CEP63: variants seen among roughly 807,000 people sequenced by gnomAD.
The protein encoded by CEP63 is centrosomal protein of 63 kDa.
CEP63 carries 84 observed loss-of-function variants against 89.1 expected under a neutral mutation model. The observed-to-expected ratio is 0.94, with a 90% CI of 0.79 to 1.13. The LOEUF (loss-of-function observed/expected upper bound fraction) is 1.13, where lower values mean the gene tolerates loss of function less well. Ranked by LOEUF, CEP63 falls within the 50% of genes most tolerant of loss-of-function variation. CEP63 has a pLI of 0.00. For missense variants in CEP63, 838 were observed against 813.3 expected (o/e 1.03, Z -0.37); for synonymous variants, 267 against 272.5 (o/e 0.98, Z 0.20).
chr3:134,488,807 G>C (rs111543027), intron 1 of CEP63, among the ~76,000 whole-genome samples: 6 of 152,044 alleles, frequency 3.9e-5, no homozygotes, highest in African/African-American at 1.4e-4. Context: ...TGCACTGTCC[G>C]GTATTGTAGC....
At chr3:134,547,628 T>TTTTTTTTTTTTTTTG (rs1182808443) in intron 9 of CEP63, among the ~76,000 whole-genome samples, 156 bp downstream of exon 9, 1 of 122,610 alleles carries the variant, frequency 8.2e-6, no homozygotes, top group African/African-American at 3.1e-5. Flanking sequence ...TTTTTTTTTT[T>TTTTTTTTTTTTTTTG]TGAGACGGAG....
chr3:134,678,072 G>T, the CEP63 span, among the ~76,000 whole-genome samples: 1 of 151,972 alleles, frequency 6.6e-6, no homozygotes, highest in Admixed American at 6.5e-5. Context: ...CTTTGGCAGG[G>T]CACCTGGGCC....
chr3:134,562,615 G>A lies in CEP63; in HGVS notation c.*1080G>A, dbSNP rs895354259. On this transcript the variant is annotated 3_prime_UTR_variant, in exon 15 of 15. Transcript: ENST00000675561. ...CACCCAAACACTTCTGGAAAGAGTT[G>A]TCTGCAGTGACTCTTTCCAGTTCCT... is the stretch of plus-strand genomic sequence containing the variant. 2.0e-5 allele frequency: 3 copies of A among 151,982 alleles called. No individual in the cohort carries two copies. The highest frequency in any genetic ancestry group is 7.3e-5 in the African/African-American group (3 of 41,320). 9.4% of individuals were successfully genotyped at this position (151,982 alleles called of 1,614,324 possible). A position where few individuals can be genotyped will look rare whatever the true frequency, so the allele number is the denominator to read the frequency against.
At chr3:134,734,172 CAT>C in the CEP63 span, among the ~76,000 whole-genome samples, 7 of 152,070 alleles carry the variant, frequency 4.6e-5, no homozygotes, top group East Asian at 3.8e-4. Flanking sequence ...AAAACCTACA[CAT>C]GTCATGCATT....
chr3:134,667,782 G>A, the CEP63 span, among the ~76,000 whole-genome samples: 2 of 152,168 alleles, frequency 1.3e-5, no homozygotes, highest in African/African-American at 4.8e-5. Flanking sequence ...TCTCTTCTGG[G>A]TAGGTGACCA....
At chr3:134,540,646 CCATTGTTTTAATATA>C (rs1951806092) in intron 6 of CEP63, among the ~76,000 whole-genome samples, 1 of 151,856 alleles carries the variant, frequency 6.6e-6, no homozygotes, top group Admixed American at 6.6e-5. Context: ...AAAAATGATA[CCATTGTTTTAATATA>C]CATTGTTTTA....
At chr3:134,568,581 A>G (rs933606235), downstream of CEP63, among the ~76,000 whole-genome samples, 2 of 152,122 alleles carry the variant, frequency 1.3e-5, no homozygotes, top group Admixed American at 6.5e-5. Flanking sequence ...TAAATTCTGG[A>G]CCATGGGCAA....
chr3:134,549,185 C>A lies in CEP63; in HGVS notation c.1182+9C>A. 1 of 1,534,646 alleles carries A rather than the reference C, an allele frequency of 6.5e-7. No homozygotes were observed. Among genetic ancestry groups the A allele is most frequent in the Non-Finnish European group, 9.0e-7 (1 of 1,107,832 alleles). Reference sequence around the variant, plus strand: ...AAGCAGAGATTAAGAAGGTAAAAATCTGCATACCTAGGATTGCAAAATTGT... The same window carrying A: ...AAGCAGAGATTAAGAAGGTAAAAATATGCATACCTAGGATTGCAAAATTGT... On this transcript the variant is annotated intron_variant, in intron 10 of 14. Coordinates refer to ENST00000675561, the MANE Select transcript of CEP63 (RefSeq NM_001353108.3).
intron 1 of CEP63, among the ~76,000 whole-genome samples, chr3:134,490,168 G>C (rs1937118134): frequency 6.6e-6 from 1 of 151,980 alleles, no homozygotes; most frequent in Non-Finnish European, 1.5e-5. Flanking sequence ...CCAGAGTTAG[G>C]AAATATTATA....
intron 2 of CEP63, among the ~76,000 whole-genome samples, chr3:134,496,651 A>G (rs114450044): frequency 0.017 from 2,614 of 152,232 alleles, 28 homozygotes; most frequent in Non-Finnish European, 0.022. Flanking sequence ...TCTGGTGATA[A>G]CTGATAGTGA....
chr3:134,739,235 C>T, the CEP63 span, among the ~76,000 whole-genome samples: 32 of 152,184 alleles, frequency 2.1e-4, no homozygotes, highest in South Asian at 3.9e-3. Context: ...TGGAAACAAC[C>T]CAAAGTCCAT....
downstream of CEP63, among the ~76,000 whole-genome samples, chr3:134,590,454 AT>A (rs1310628997): frequency 6.6e-6 from 1 of 152,204 alleles, no homozygotes; most frequent in African/African-American, 2.4e-5. Flanking sequence ...ATTATCAAAA[AT>A]ATACCTGCAA....
chr3:134,775,539 G>A, the CEP63 span, among the ~76,000 whole-genome samples: 32 of 152,066 alleles, frequency 2.1e-4, no homozygotes, highest in Non-Finnish European at 3.5e-4. Context: ...AAGTGTTGGC[G>A]GCCAATACTC....
intron 6 of CEP63, among the ~76,000 whole-genome samples, chr3:134,538,994 G>A (rs746533103): frequency 4.6e-5 from 7 of 151,854 alleles, no homozygotes; most frequent in Non-Finnish European, 8.8e-5. Context: ...TCCTACTAAG[G>A]GTGTTTGAAT....
chr3:134,746,182 T>C, the CEP63 span, among the ~76,000 whole-genome samples: 1 of 151,950 alleles, frequency 6.6e-6, no homozygotes, highest in Admixed American at 6.6e-5. Context: ...TGGTTTTCTG[T>C]CCTTGTGATA....
chr3:134,568,028 A>G (rs1418915035), downstream of CEP63, among the ~76,000 whole-genome samples: 2 of 152,256 alleles, frequency 1.3e-5, no homozygotes, highest in Non-Finnish European at 2.9e-5. Context: ...AGCCAAGTAC[A>G]TTACCTAAAC....
chr3:134,559,551 C>T, intron 14 of CEP63, 122 bp downstream of exon 14: 1 of 820,414 alleles, frequency 1.2e-6, no homozygotes, highest in Non-Finnish European at 1.9e-6. Flanking sequence ...AAGTACTCTT[C>T]ATTATTCTTA....
At chr3:134,727,415 A>G in the CEP63 span, among the ~76,000 whole-genome samples, 1 of 152,242 alleles carries the variant, frequency 6.6e-6, no homozygotes, top group African/African-American at 2.4e-5. Flanking sequence ...CAGATTGATG[A>G]TTCCCTTTTC....
intron 7 of CEP63, among the ~76,000 whole-genome samples, 155 bp from the exon 8 acceptor site, chr3:134,545,994 T>C (rs1953218811): frequency 6.6e-6 from 1 of 152,218 alleles, no homozygotes; most frequent in Non-Finnish European, 1.5e-5. Context: ...TTTACAATAT[T>C]GTAATATTGT....
Sources: gnomAD v4.1 joint callset for allele counts (sites outside exome capture counted in the v4.1 genomes callset) on GRCh38, gnomAD v4.1.1 for gene constraint, MANE v1.5 for transcripts, NCBI Gene and HGNC (gene_info 2026-07-23, HGNC 2026-07-21) for gene names.